The following GPR107 variants were observed in gnomAD, a reference collection of about 807,000 sequenced individuals.
The protein encoded by GPR107 is protein GPR107.
A neutral mutation model predicts 75.5 loss-of-function variants in GPR107; 31 were observed. The ratio of observed to expected loss-of-function variants is 0.41; its 90% CI spans 0.31 to 0.55. GPR107 has a LOEUF of 0.55. GPR107 is among the 20% of genes least tolerant of loss of function. GPR107 has a pLI of 0.26. For synonymous variants in GPR107, 267 were observed against 251.3 expected (o/e 1.06, Z -0.59); for missense variants, 572 against 665.7 (o/e 0.86, Z 1.55).
intron 5 of GPR107, among the ~76,000 whole-genome samples, chr9:130,080,747 TC>T (rs1343088834): frequency 7.3e-5 from 11 of 151,692 alleles, no homozygotes; most frequent in Admixed American, 5.3e-4. Flanking sequence ...CGCCTCGGCC[TC>T]CCAAAGTGCT....
chr9:130,109,015 T>C (rs868391319), intron 14 of GPR107, among the ~76,000 whole-genome samples: 12 of 145,448 alleles, frequency 8.3e-5, no homozygotes, highest in Middle Eastern at 3.5e-3. Flanking sequence ...TTTTTTTTTT[T>C]TGAGACGGAG....
chr9:130,126,610 A>G (rs570773905), intron 15 of GPR107, among the ~76,000 whole-genome samples: 2 of 152,238 alleles, frequency 1.3e-5, no homozygotes, highest in South Asian at 4.1e-4. Context: ...TCGGCCTCCC[A>G]AAGTGCTGGG....
intron 14 of GPR107, among the ~76,000 whole-genome samples, chr9:130,122,869 C>A (rs1306456890): frequency 6.6e-6 from 1 of 152,164 alleles, no homozygotes; most frequent in Non-Finnish European, 1.5e-5. Flanking sequence ...GGCGTGGTGG[C>A]ACACACCTGT....
intron 1 of GPR107, among the ~76,000 whole-genome samples, chr9:130,066,873 C>T (rs1429133532): frequency 6.6e-6 from 1 of 152,130 alleles, no homozygotes; most frequent in East Asian, 1.9e-4. Flanking sequence ...GTAGTCCCAA[C>T]TACTCGGGAG....
chr9:130,054,687 A>G (rs1265427282), intron 1 of GPR107, among the ~76,000 whole-genome samples: 1 of 152,172 alleles, frequency 6.6e-6, no homozygotes, highest in Non-Finnish European at 1.5e-5. Flanking sequence ...GAGATTTTTG[A>G]TAAACCTAGA....
chr9:130,100,747 A>G (rs1831006326), intron 11 of GPR107, 45 bp downstream of exon 11: 1 of 1,427,148 alleles, frequency 7.0e-7, no homozygotes. Context: ...AATGACATAC[A>G]AGACAAGGGG....
chr9:130,076,350 G>T, intron 2 of GPR107, 62 bp from the exon 3 acceptor site: 1 of 1,032,852 alleles, frequency 9.7e-7, no homozygotes, highest in South Asian at 1.3e-5. Flanking sequence ...TCTGCTTTTT[G>T]AGTAAGAAAA....
At chr9:130,126,110 GC>G (rs1831674360) in intron 15 of GPR107, among the ~76,000 whole-genome samples, 4 of 151,156 alleles carry the variant, frequency 2.6e-5, no homozygotes, top group Admixed American at 2.6e-4. Context: ...AAATTTCCCT[GC>G]AGAAAACTAG....
chr9:130,095,012 T>G (rs1386042814), intron 9 of GPR107, among the ~76,000 whole-genome samples: 1 of 152,106 alleles, frequency 6.6e-6, no homozygotes, highest in Non-Finnish European at 1.5e-5. Flanking sequence ...TTATTTTTTA[T>G]TTTTTTCAAA....
intron 1 of GPR107, among the ~76,000 whole-genome samples, chr9:130,066,463 C>G (rs73672540): frequency 0.01 from 1,540 of 152,156 alleles, 26 homozygotes; most frequent in African/African-American, 0.036. Context: ...TTAGCTGCTC[C>G]ATTCTGGTAA....
At chr9:130,101,055 G>T (rs748148496) in intron 11 of GPR107, 51 bp from the exon 12 acceptor site, 11 of 1,015,148 alleles carry the variant, frequency 1.1e-5, no homozygotes, top group Non-Finnish European at 1.7e-5. Context: ...CTAACTGGCA[G>T]TGAGAGTCTA....
rs1406143672 is a variant in GPR107, at chr9:130,135,019, G to A, written c.1563-6G>A. 3 of 1,547,538 alleles carry A rather than the reference G, an allele frequency of 1.9e-6. No homozygotes were observed. The highest frequency in any genetic ancestry group is 8.9e-7 in the Non-Finnish European group (1 of 1,120,774). On this transcript the variant is annotated splice_region_variant and splice_polypyrimidine_tract_variant and intron_variant, in intron 17 of 17. Coordinates refer to ENST00000347136, the MANE Select transcript of GPR107 (RefSeq NM_020960.5). ...GTTCCTAATTGTTTTTTCTTTCCTT[G>A]TTCAGTGTGACAACATCTGGGGTGA...
intron 14 of GPR107, among the ~76,000 whole-genome samples, chr9:130,111,682 A>G (rs894340676): frequency 6.6e-5 from 10 of 151,322 alleles, no homozygotes; most frequent in Non-Finnish European, 1.3e-4. Flanking sequence ...TGGGGTGAAT[A>G]CAGCTTTCAG....
At chr9:130,077,716 A>G (rs1830387796) in intron 4 of GPR107, among the ~76,000 whole-genome samples, 1 of 152,232 alleles carries the variant, frequency 6.6e-6, no homozygotes, top group Non-Finnish European at 1.5e-5. Context: ...GGCATAGTCT[A>G]TGCAAAGGCA....
intron 1 of GPR107, among the ~76,000 whole-genome samples, chr9:130,072,840 CT>C (rs1830246027): frequency 6.6e-6 from 1 of 152,114 alleles, no homozygotes; most frequent in Admixed American, 6.5e-5. Context: ...GGTTTCCATT[CT>C]GCTGCAAAGC....
Position 130,083,575 on chromosome 9 carries a change from G to T in GPR107, c.537G>T (p.Lys179Asn). Reference protein sequence around the residue: ...NQTQKTQDGGKSKRSTVDSKA... With the variant: ...NQTQKTQDGGNSKRSTVDSKA... ...TGTTCTTGCTTCTAGATGGTGGAAA[G>T]TCTAAAAGAAGTACAGTGGATTCAA... Residue 179 changes from lysine to asparagine, a missense_variant, in exon 6 of 18, where the codon AAG (lysine) becomes AAT (asparagine). Transcript: ENST00000347136. 2 of 1,525,808 alleles carry T rather than the reference G, an allele frequency of 1.3e-6. No homozygotes were observed. Among genetic ancestry groups the T allele is most frequent in the Non-Finnish European group, 1.7e-6 (2 of 1,145,654 alleles). The allele number at this position is 1,525,808 out of a possible 1,614,324, so 94.5% of individuals were successfully genotyped here.
chr9:130,106,617 A>T (rs1023108516), intron 13 of GPR107, among the ~76,000 whole-genome samples: 1 of 145,162 alleles, frequency 6.9e-6, no homozygotes, highest in Non-Finnish European at 1.5e-5. Flanking sequence ...ATAAATAAAT[A>T]AATAATAATA....
intron 1 of GPR107, among the ~76,000 whole-genome samples, chr9:130,056,579 A>G (rs967842566): frequency 1.3e-5 from 2 of 152,192 alleles, no homozygotes; most frequent in African/African-American, 4.8e-5. Flanking sequence ...AACAGTAACC[A>G]TAGCTGATAA....
chr9:130,100,302 G>A (rs1179505373), intron 10 of GPR107, among the ~76,000 whole-genome samples: 3 of 152,166 alleles, frequency 2.0e-5, no homozygotes, highest in African/African-American at 7.2e-5. Flanking sequence ...CTATAAAGCT[G>A]GAGGCATGAG....
Sources: allele counts gnomAD v4.1 joint callset (sites outside exome capture counted in the v4.1 genomes callset), GRCh38; gene constraint gnomAD v4.1.1; transcripts MANE v1.5; gene names NCBI Gene and HGNC (gene_info 2026-07-23, HGNC 2026-07-21).